The following KCNK10 variants were observed in gnomAD, a reference collection of about 807,000 sequenced individuals.
The protein encoded by KCNK10 is potassium two pore domain channel subfamily K member 10, also known as potassium channel subfamily K member 10.
In KCNK10, 25 loss-of-function variants were observed where a neutral mutation model predicts 47.7. That is an observed-to-expected ratio of 0.52 (90% CI 0.38 to 0.73). KCNK10 has a LOEUF of 0.73. Ranked by LOEUF, KCNK10 falls within the 30% of genes least tolerant of loss-of-function variation. KCNK10 has a pLI of 0.00. For missense variants in KCNK10, 563 were observed against 714.5 expected (o/e 0.79, Z 2.42); for synonymous variants, 303 against 285.6 (o/e 1.06, Z -0.61).
rs184690227 is a variant in KCNK10, at chr14:88,274,179, C to T, written c.53-10628G>A. Reference sequence around the variant, plus strand: ...CCTCCAATGTCCCGTGTGCTCAGGGCTCATCTCACTTCTCCAGCCCTCCCC... The same window carrying T: ...CCTCCAATGTCCCGTGTGCTCAGGGTTCATCTCACTTCTCCAGCCCTCCCC... On this transcript the variant is annotated intron_variant, in intron 1 of 6. Coordinates refer to ENST00000319231, the MANE Select transcript of KCNK10 (RefSeq NM_138317.3). Among the ~76,000 whole-genome samples, 82 of 151,974 alleles carry T rather than the reference C, an allele frequency of 5.4e-4. No homozygotes were observed. The East Asian group carries it at 0.014, about 27-fold the overall frequency.
At chr14:88,253,215 G>C (rs1886848833) in intron 2 of KCNK10, among the ~76,000 whole-genome samples, 1 of 152,232 alleles carries the variant, frequency 6.6e-6, no homozygotes, top group Non-Finnish European at 1.5e-5. Flanking sequence ...TGACTGGAAA[G>C]AGTCAGGGGA....
At chr14:88,222,681 C>T (rs1444774593) in intron 4 of KCNK10, among the ~76,000 whole-genome samples, 3 of 152,148 alleles carry the variant, frequency 2.0e-5, no homozygotes, top group African/African-American at 7.2e-5. Flanking sequence ...GTATCTTCCC[C>T]TCCATTTTGC....
chr14:88,290,516 C>A (rs1482181511), intron 1 of KCNK10, among the ~76,000 whole-genome samples: 1 of 152,160 alleles, frequency 6.6e-6, no homozygotes. Flanking sequence ...CTGTGCCAGG[C>A]ACTGTGTACA....
At chr14:88,237,315 T>A (rs1032408192) in intron 3 of KCNK10, among the ~76,000 whole-genome samples, 1 of 152,218 alleles carries the variant, frequency 6.6e-6, no homozygotes, top group African/African-American at 2.4e-5. Context: ...AGTGGCATCC[T>A]CTAGTGAAGT....
intron 4 of KCNK10, among the ~76,000 whole-genome samples, chr14:88,219,504 G>C (rs193272594): frequency 6.6e-6 from 1 of 152,298 alleles, no homozygotes; most frequent in Admixed American, 6.5e-5. Context: ...TGATAGGCTA[G>C]CTTATCTTGA....
chr14:88,307,272 T>C (rs1888222692), intron 1 of KCNK10, among the ~76,000 whole-genome samples: 1 of 79,608 alleles, frequency 1.3e-5, no homozygotes, highest in Admixed American at 1.1e-4. Flanking sequence ...TCAAAATAGG[T>C]ATGGATGCCA....
rs536972356 is a variant in KCNK10, at chr14:88,311,604, G to A, written c.52+11143C>T. ...GAAACTTTGAGTGCCATGAGCCACC[G>A]TTGTTATGCCCAGCTGTAAATAAGT... On this transcript the variant is annotated intron_variant, in intron 1 of 6. Coordinates refer to ENST00000319231, the MANE Select transcript of KCNK10 (RefSeq NM_138317.3). Among the ~76,000 whole-genome samples, 31 of 152,260 alleles carry A rather than the reference G, an allele frequency of 2.0e-4. No individual in the cohort carries two copies. The South Asian group carries it at 2.1e-3, about 10-fold the overall frequency.
intron 6 of KCNK10, among the ~76,000 whole-genome samples, 165 bp downstream of exon 6, chr14:88,187,802 T>C (rs1028206046): frequency 6.6e-6 from 1 of 152,108 alleles, no homozygotes; most frequent in African/African-American, 2.4e-5. Context: ...CTATTCTCCT[T>C]AGCTTTGAAG....
At chr14:88,211,716 T>C (rs192565428) in intron 4 of KCNK10, among the ~76,000 whole-genome samples, 3 of 151,712 alleles carry the variant, frequency 2.0e-5, no homozygotes, top group East Asian at 2.0e-4. Flanking sequence ...GACAAAATGG[T>C]GAAACCCCGT....
Position 88,322,408 on chromosome 14 carries a change from GACACAC to G in KCNK10, c.52+333_52+338del, listed in dbSNP as rs35179933. On this transcript the variant is annotated intron_variant, in intron 1 of 6. Transcript: ENST00000319231. This position sits in a 1 kb window ranked among gnomAD's most constrained non-coding sequence, Gnocchi z 4.8. ...GAGACAAAGATCACCAGAAACAAAGGACACACACACACACACACACACACACACACA... is the reference window on the plus strand; with the variant it reads ...GAGACAAAGATCACCAGAAACAAAGGACACACACACACACACACACACACA... Among the ~76,000 whole-genome samples, 77,964 of 149,948 alleles carry G rather than the reference GACACAC, an allele frequency of 0.52. 21,275 individuals are homozygous for G. Among genetic ancestry groups the G allele is most frequent in the Admixed American group, 0.6 (9,017 of 15,104 alleles).
intron 2 of KCNK10, among the ~76,000 whole-genome samples, chr14:88,249,090 T>C (rs1886723490): frequency 6.6e-6 from 1 of 152,202 alleles, no homozygotes; most frequent in African/African-American, 2.4e-5. Context: ...TCATCTGTCA[T>C]GTCACCTTCT....
At chr14:88,326,663 A>C (rs1335843159), upstream of KCNK10, 28 of 559,064 alleles carry the variant, frequency 5.0e-5, no homozygotes, top group Non-Finnish European at 7.2e-5. Context: ...TCCTGGGTGC[A>C]CTCGGTGGCA....
chr14:88,301,584 T>C (rs1341224051), intron 1 of KCNK10, among the ~76,000 whole-genome samples: 1 of 151,416 alleles, frequency 6.6e-6, no homozygotes, highest in Admixed American at 6.6e-5. Flanking sequence ...GACATGACAT[T>C]TGGACTGAGA....
Position 88,227,530 on chromosome 14 carries a change from C to T in KCNK10, c.526G>A (p.Gly176Arg). ...AGTVITTIGY[G>R]NIAPSTEGGK... ...CCTTCAGTGCTCGGAGCAATATTCC[C>T]ATACCCTGGTGAGAAATATGAAAAA... Residue 176 changes from glycine to arginine, a missense_variant, in exon 4 of 7, where the codon GGG becomes AGG. Transcript: ENST00000319231. 6.3e-7 allele frequency: 1 copy of T among 1,596,794 alleles called. No homozygotes were observed. Among genetic ancestry groups the T allele is most frequent in the Non-Finnish European group, 8.5e-7 (1 of 1,174,334 alleles).
intron 1 of KCNK10, chr14:88,270,594 T>C: frequency 1.4e-6 from 1 of 710,434 alleles, no homozygotes; most frequent in South Asian, 1.6e-5. Context: ...GATCAAGCTA[T>C]GATGAAATGA....
intron 1 of KCNK10, among the ~76,000 whole-genome samples, chr14:88,290,695 A>G (rs1165634775): frequency 1.3e-5 from 2 of 152,318 alleles, no homozygotes; most frequent in African/African-American, 2.4e-5. Flanking sequence ...GCTCTCTACT[A>G]TGTGCAAAGA....
chr14:88,193,626 A>G (rs1290063050), intron 4 of KCNK10, among the ~76,000 whole-genome samples: 1 of 152,212 alleles, frequency 6.6e-6, no homozygotes, highest in Non-Finnish European at 1.5e-5. Context: ...AATCCGTACC[A>G]TGAGACCTGC....
At chr14:88,290,968 C>T (rs1456370245) in intron 1 of KCNK10, among the ~76,000 whole-genome samples, 1 of 152,232 alleles carries the variant, frequency 6.6e-6, no homozygotes, top group Non-Finnish European at 1.5e-5. Flanking sequence ...AGTGGCAGAA[C>T]CGTGCTGTGG....
At chr14:88,270,418 C>A (rs1887376310) in intron 1 of KCNK10, among the ~76,000 whole-genome samples, 1 of 152,084 alleles carries the variant, frequency 6.6e-6, no homozygotes, top group African/African-American at 2.4e-5. Flanking sequence ...ACAGCCCTAC[C>A]TTAAAGGCAA....
Sources: gnomAD v4.1 joint callset for allele counts (sites outside exome capture counted in the v4.1 genomes callset) on GRCh38, gnomAD v4.1.1 for gene constraint, Gnocchi (gnomAD v3.1) non-coding constraint, MANE v1.5 for transcripts, NCBI Gene and HGNC (gene_info 2026-07-23, HGNC 2026-07-21) for gene names.